The following ELMO1 variants were observed in gnomAD, a reference collection of about 807,000 sequenced individuals.
The protein encoded by ELMO1 is engulfment and cell motility protein 1.
Under a neutral mutation model 98.9 loss-of-function variants are expected in ELMO1, and 26 were observed. That is an observed-to-expected ratio of 0.26 (90% CI 0.19 to 0.36). The LOEUF (loss-of-function observed/expected upper bound fraction) is 0.36. Ranked by LOEUF, ELMO1 falls within the 10% of genes least tolerant of loss-of-function variation. The pLI is 1.00. For missense variants in ELMO1, 627 were observed against 935.2 expected, an observed-to-expected ratio of 0.67 and a Z score of 4.30; for synonymous variants, 346 against 346.0, an observed-to-expected ratio of 1.00 and a Z score of 0.00.
At chr7:36,988,509 AATAG>A (rs1791662043) in intron 16 of ELMO1, among the ~76,000 whole-genome samples, 1 of 152,226 alleles carries the variant, frequency 6.6e-6, no homozygotes, top group Non-Finnish European at 1.5e-5. Context: ...TGCAGACTCT[AATAG>A]AGGAGGCAAA....
At chr7:36,935,275 T>C (rs1232027786) in intron 16 of ELMO1, among the ~76,000 whole-genome samples, 2 of 152,212 alleles carry the variant, frequency 1.3e-5, no homozygotes, top group Admixed American at 6.5e-5. Flanking sequence ...TTTCACCTTC[T>C]GCCATGATGG....
At chr7:37,419,053 C>T (rs866944218) in intron 1 of ELMO1, among the ~76,000 whole-genome samples, 4 of 151,980 alleles carry the variant, frequency 2.6e-5, no homozygotes, top group Non-Finnish European at 5.9e-5. Flanking sequence ...GGACTGAGCC[C>T]GCAGAGGAGG....
chr7:36,916,635 C>G (rs918926225), intron 16 of ELMO1, among the ~76,000 whole-genome samples: 6 of 152,184 alleles, frequency 3.9e-5, no homozygotes, highest in Admixed American at 3.3e-4. Flanking sequence ...GCCTAAAGTA[C>G]AAAACCAAGA....
intron 14 of ELMO1, among the ~76,000 whole-genome samples, chr7:37,103,322 T>G (rs1048049634): frequency 7.2e-5 from 11 of 152,210 alleles, no homozygotes; most frequent in Non-Finnish European, 7.3e-5. Flanking sequence ...AGGACTTGGA[T>G]GAAATCATAT....
At chr7:37,286,985 G>A (rs1357316449) in intron 4 of ELMO1, among the ~76,000 whole-genome samples, 1 of 152,146 alleles carries the variant, frequency 6.6e-6, no homozygotes, top group Non-Finnish European at 1.5e-5. Context: ...ACGAGGTCAG[G>A]AGTTTGACAG....
intron 5 of ELMO1, among the ~76,000 whole-genome samples, chr7:37,267,713 A>G (rs1490979668): frequency 6.6e-6 from 1 of 152,272 alleles, no homozygotes; most frequent in African/African-American, 2.4e-5. Context: ...TCAGATAGAT[A>G]CATACACACA....
chr7:37,152,189 G>A (rs187847374), intron 13 of ELMO1, among the ~76,000 whole-genome samples: 1 of 152,304 alleles, frequency 6.6e-6, no homozygotes, highest in Admixed American at 6.5e-5. Flanking sequence ...CATGGTTCCA[G>A]GTACAGTCTA....
chr7:37,129,399 A>G (rs1459563200), intron 14 of ELMO1, among the ~76,000 whole-genome samples: 1 of 152,226 alleles, frequency 6.6e-6, no homozygotes, highest in East Asian at 1.9e-4. Context: ...TAGAATATAG[A>G]TTGTGATGTC....
At chr7:36,958,594 C>A (rs1788661522) in intron 16 of ELMO1, among the ~76,000 whole-genome samples, 1 of 152,192 alleles carries the variant, frequency 6.6e-6, no homozygotes, top group Non-Finnish European at 1.5e-5. Flanking sequence ...ACACCAGTGA[C>A]CTCCATGAGG....
chr7:37,181,802 G>C (rs1197956950), intron 13 of ELMO1, among the ~76,000 whole-genome samples: 1 of 152,152 alleles, frequency 6.6e-6, no homozygotes, highest in Non-Finnish European at 1.5e-5. Context: ...AATGGCCTCT[G>C]ATTACTACCA....
intron 13 of ELMO1, among the ~76,000 whole-genome samples, chr7:37,207,644 CAA>C (rs1210548828): frequency 3.3e-5 from 5 of 152,102 alleles, no homozygotes; most frequent in Middle Eastern, 3.4e-3. Context: ...GAATCAATAA[CAA>C]GAGATCTTAG....
At chr7:37,395,367 CAAA>C (rs59452486) in intron 1 of ELMO1, among the ~76,000 whole-genome samples, 3 of 66,188 alleles carry the variant, frequency 4.5e-5, no homozygotes, top group Non-Finnish European at 8.0e-5. Flanking sequence ...AACTCCATCT[CAAA>C]AAAAAAAAAA....
intron 16 of ELMO1, among the ~76,000 whole-genome samples, chr7:36,995,275 C>T (rs963944100): frequency 6.6e-6 from 1 of 152,108 alleles, no homozygotes; most frequent in Non-Finnish European, 1.5e-5. Context: ...TTTGGGAGAC[C>T]GCAGTGAGCA....
intron 14 of ELMO1, among the ~76,000 whole-genome samples, chr7:37,122,363 C>T (rs969636357): frequency 6.6e-6 from 1 of 152,102 alleles, no homozygotes; most frequent in African/African-American, 2.4e-5. Flanking sequence ...TGAGTCAAGA[C>T]CCATCAGTGT....
intron 6 of ELMO1, among the ~76,000 whole-genome samples, chr7:37,256,485 AG>A (rs1562558938): frequency 6.7e-6 from 1 of 148,728 alleles, no homozygotes; most frequent in African/African-American, 2.5e-5. Context: ...GATGATGCCA[AG>A]TGTAGGAGGG....
At chr7:37,239,456 C>T (rs1001465327) in intron 7 of ELMO1, among the ~76,000 whole-genome samples, 3 of 152,144 alleles carry the variant, frequency 2.0e-5, no homozygotes, top group African/African-American at 7.2e-5. Context: ...TGAGCCACCG[C>T]GCCCAGCCAA....
chr7:37,067,613 G>C (rs1334724661), intron 15 of ELMO1, among the ~76,000 whole-genome samples: 2 of 152,128 alleles, frequency 1.3e-5, no homozygotes, highest in African/African-American at 4.8e-5. Context: ...AATGATTTCA[G>C]ACATTTAAAA....
At chr7:37,055,872 T>A (rs576962608) in intron 15 of ELMO1, among the ~76,000 whole-genome samples, 1 of 152,278 alleles carries the variant, frequency 6.6e-6, no homozygotes, top group African/African-American at 2.4e-5. Context: ...CTAAGGGAGA[T>A]TGTCCTATCT....
intron 15 of ELMO1, among the ~76,000 whole-genome samples, chr7:37,041,162 C>G (rs1414104236): frequency 6.6e-6 from 1 of 150,388 alleles, no homozygotes; most frequent in African/African-American, 2.4e-5. Context: ...GGGGCATATG[C>G]AATAGGTAAT....
Sources: gnomAD v4.1 joint callset for allele counts (sites outside exome capture counted in the v4.1 genomes callset) on GRCh38, gnomAD v4.1.1 for gene constraint, MANE v1.5 for transcripts, NCBI Gene and HGNC (gene_info 2026-07-23, HGNC 2026-07-21) for gene names.